MS4A6E: variants seen among roughly 807,000 people sequenced by gnomAD.
MS4A6E encodes membrane-spanning 4-domains subfamily A member 6E.
Under a neutral mutation model 13.2 loss-of-function variants are expected in MS4A6E, and 8 were observed. That is an observed-to-expected ratio of 0.60 (90% CI 0.35 to 1.09). MS4A6E has a LOEUF of 1.09. Ranked by LOEUF, MS4A6E falls within the 50% of genes least tolerant of loss-of-function variation. The pLI is 0.02. For synonymous variants in MS4A6E, 72 were observed against 67.6 expected, an observed-to-expected ratio of 1.06 and a Z score of -0.32; for missense variants, 177 against 171.1, an observed-to-expected ratio of 1.03 and a Z score of -0.19.
downstream of MS4A6E, among the ~76,000 whole-genome samples, chr11:60,342,173 GTGTGTGAGAGAGAGAGA>G (rs2085230042): frequency 3.0e-5 from 1 of 32,820 alleles, no homozygotes; most frequent in African/African-American, 9.6e-5. Context: ...GTGTGTGTGT[GTGTGTGAGAGAGAGAGA>G]GAGAGAGAGA....
At chr11:60,346,039 CAGTTTGAGCCACTGGAGCTGGA>C (rs2085254915), downstream of MS4A6E, among the ~76,000 whole-genome samples, 1 of 152,088 alleles carries the variant, frequency 6.6e-6, no homozygotes, top group African/African-American at 2.4e-5. Flanking sequence ...CTGTTCATGA[CAGTTTGAGCCACTGGAGCTGGA>C]GGTTTGAGCC....
intron 1 of MS4A6E, among the ~76,000 whole-genome samples, chr11:60,334,186 T>C (rs2085174297): frequency 6.6e-6 from 1 of 152,132 alleles, no homozygotes; most frequent in South Asian, 2.1e-4. Context: ...AAGCACCCTG[T>C]TTCAGCACTA....
chr11:60,341,447 C>A (rs898838320), downstream of MS4A6E, among the ~76,000 whole-genome samples: 4 of 152,076 alleles, frequency 2.6e-5, no homozygotes, highest in Non-Finnish European at 5.9e-5. Context: ...AATATTCAAA[C>A]AAAACTAACG....
chr11:60,330,071 C>T (rs371786954), intron 1 of MS4A6E, among the ~76,000 whole-genome samples: 2 of 150,538 alleles, frequency 1.3e-5, no homozygotes, highest in East Asian at 2.0e-4. Context: ...ATGATCCATC[C>T]GTCTTGGCCT....
chr11:60,345,067 T>A (rs184731114), downstream of MS4A6E, among the ~76,000 whole-genome samples: 1 of 152,260 alleles, frequency 6.6e-6, no homozygotes, highest in Non-Finnish European at 1.5e-5. Context: ...CCCGAGTAGC[T>A]GGGACTACAG....
At chr11:60,332,293 C>T (rs1291077149) in intron 1 of MS4A6E, among the ~76,000 whole-genome samples, 1 of 152,162 alleles carries the variant, frequency 6.6e-6, no homozygotes, top group Non-Finnish European at 1.5e-5. Flanking sequence ...AAGACGGAAA[C>T]TCGGATATCA....
chr11:60,327,504 T>C (rs1304786603), intron 1 of MS4A6E, among the ~76,000 whole-genome samples, 96 bp downstream of exon 1: 1 of 152,168 alleles, frequency 6.6e-6, no homozygotes, highest in Non-Finnish European at 1.5e-5. Flanking sequence ...TACCAATAAG[T>C]GGAGTACTGC....
At chr11:60,327,448 G>C (rs1190148519) in intron 1 of MS4A6E, among the ~76,000 whole-genome samples, 40 bp downstream of exon 1, 1 of 152,184 alleles carries the variant, frequency 6.6e-6, no homozygotes, top group African/African-American at 2.4e-5. Context: ...TACCCAGTTT[G>C]TGGTATTCTG....
At chr11:60,338,630 C>G (rs1458960398) in intron 3 of MS4A6E, 1 of 152,082 alleles carries the variant, frequency 6.6e-6, no homozygotes, top group African/African-American at 2.4e-5. Context: ...TGAAGTTTGG[C>G]TAACAGAAAT....
At chr11:60,338,911 T>A (rs1447086976) in intron 3 of MS4A6E, among the ~76,000 whole-genome samples, 1 of 152,142 alleles carries the variant, frequency 6.6e-6, no homozygotes, top group Non-Finnish European at 1.5e-5. Context: ...TGACAGTAAT[T>A]GGTACAAATT....
chr11:60,338,068 C>A, intron 3 of MS4A6E, 121 bp downstream of exon 3: 2 of 932,790 alleles, frequency 2.1e-6, no homozygotes, highest in Middle Eastern at 2.9e-4. Flanking sequence ...GGAGGAAGGC[C>A]AAGGTTATGT....
At chr11:60,342,516 G>A (rs75272084), downstream of MS4A6E, among the ~76,000 whole-genome samples, 2,608 of 152,188 alleles carry the variant, frequency 0.017, 55 homozygotes, top group East Asian at 0.052. Context: ...AGTCTGAGGA[G>A]GTCGTGTCTG....
At position 60,348,073 on chromosome 11, in the gene MS4A6E, CT is replaced by C. The variant is rs370801325; in HGVS notation, c.*162+7148del. 3.5e-3 allele frequency among the ~76,000 whole-genome samples: 527 copies of C among 152,314 alleles called. 4 individuals carry two copies. The highest frequency in any genetic ancestry group is 0.015 in the South Asian group (73 of 4,818). On this transcript the variant is annotated intron_variant and NMD_transcript_variant, in intron 4 of 4. Coordinates refer to the MS4A6E transcript ENST00000532756. ...TTCTAACTAAAGGCAGAAGAGGTTT[CT>C]TTAAAAAACCCAGGAACCAAATGGT...
intron 4 of MS4A6E, among the ~76,000 whole-genome samples, chr11:60,348,455 A>C (rs2085265362): frequency 6.6e-6 from 1 of 152,206 alleles, no homozygotes; most frequent in South Asian, 2.1e-4. Context: ...GGCATTTGCT[A>C]ATCTTTCCTA....
At chr11:60,338,283 T>C (rs2135061978) in intron 3 of MS4A6E, among the ~76,000 whole-genome samples, 1 of 152,280 alleles carries the variant, frequency 6.6e-6, no homozygotes, top group Non-Finnish European at 1.5e-5. Context: ...GAATTCAGAT[T>C]GGCAAACAGA....
downstream of MS4A6E, among the ~76,000 whole-genome samples, chr11:60,344,446 C>A (rs2085246925): frequency 6.6e-6 from 1 of 152,192 alleles, no homozygotes; most frequent in South Asian, 2.1e-4. Flanking sequence ...ACAGATTTCA[C>A]AAGCATTAAC....
chr11:60,335,118 A>G, intron 2 of MS4A6E, 76 bp downstream of exon 2: 2 of 1,571,304 alleles, frequency 1.3e-6, no homozygotes, highest in East Asian at 2.2e-5. Context: ...GGGACTGGTC[A>G]TCCTTGTGAG....
At chr11:60,329,701 G>A (rs1404244575) in intron 1 of MS4A6E, among the ~76,000 whole-genome samples, 2 of 152,008 alleles carry the variant, frequency 1.3e-5, no homozygotes, top group Non-Finnish European at 2.9e-5. Flanking sequence ...GGCATGAGAT[G>A]GTATCTATTG....
At chr11:60,339,098 A>G (rs1019941901) in intron 3 of MS4A6E, among the ~76,000 whole-genome samples, 2 of 152,222 alleles carry the variant, frequency 1.3e-5, no homozygotes, top group Non-Finnish European at 2.9e-5. Flanking sequence ...GTGTGTAAAT[A>G]CCACAAAACA....
Sources: gnomAD v4.1 joint callset for allele counts (sites outside exome capture counted in the v4.1 genomes callset) on GRCh38, gnomAD v4.1.1 for gene constraint, MANE v1.5 for transcripts, NCBI Gene and HGNC (gene_info 2026-07-23, HGNC 2026-07-21) for gene names.